ITSN1: variants seen among roughly 807,000 people sequenced by gnomAD.
ITSN1 encodes the protein intersectin 1.
A neutral mutation model predicts 239.8 loss-of-function variants in ITSN1; 58 were observed. That is an observed-to-expected ratio of 0.24 (90% CI 0.20 to 0.30). The LOEUF (loss-of-function observed/expected upper bound fraction) is 0.30, where lower values mean the gene tolerates loss of function less well. Among genes scored for constraint, ITSN1 ranks in the 10% least tolerant of loss-of-function variants. The probability of loss-of-function intolerance (pLI) is 1.00; values close to 1 mark genes in which losing one functional copy is unlikely to be tolerated. For synonymous variants in ITSN1, 780 were observed against 770.8 expected, an observed-to-expected ratio of 1.01 and a Z score of -0.20; for missense variants, 1,558 against 2,103.3, an observed-to-expected ratio of 0.74 and a Z score of 5.07.
intron 1 of ITSN1, among the ~76,000 whole-genome samples, chr21:33,685,616 TA>T (rs933917476): frequency 0.09 from 9,853 of 109,276 alleles, 358 homozygotes; most frequent in Non-Finnish European, 0.1. Context: ...CCTTTTTGAG[TA>T]AAAAAAAAAA....
At position 33,892,358 on chromosome 21, in the gene ITSN1, TAG is replaced by T. The variant is rs1986420049; in HGVS notation, c.*4062_*4063del. 1.3e-5 allele frequency: 2 copies of T among 152,252 alleles called. No homozygotes were observed. The highest frequency in any genetic ancestry group is 4.8e-5 in the African/African-American group (2 of 41,460). The allele number at this position is 152,252 out of a possible 1,614,324, so 9.4% of individuals were successfully genotyped here. On this transcript the variant is annotated 3_prime_UTR_variant, in exon 40 of 40. Coordinates refer to ENST00000381318, the MANE Select transcript of ITSN1 (RefSeq NM_003024.3). ...CACCGTGGGGTGCTGAAATTCCTGCTAGAGACTTCCCCTTACTTCCATGAATG... is the reference window on the plus strand; with the variant it reads ...CACCGTGGGGTGCTGAAATTCCTGCTAGACTTCCCCTTACTTCCATGAATG...
chr21:33,655,910 T>C (rs2089029234), intron 1 of ITSN1, among the ~76,000 whole-genome samples: 1 of 151,942 alleles, frequency 6.6e-6, no homozygotes, highest in South Asian at 2.1e-4. Flanking sequence ...ACTATCTAAA[T>C]GCAGTTGGGT....
chr21:33,702,929 T>A (rs2092086866), intron 1 of ITSN1, among the ~76,000 whole-genome samples: 1 of 152,060 alleles, frequency 6.6e-6, no homozygotes, highest in South Asian at 2.1e-4. Flanking sequence ...GTACAAAAAT[T>A]AGCCGGGCAT....
At position 33,772,264 on chromosome 21, in the gene ITSN1, C is replaced by G. The variant is rs766054300; in HGVS notation, c.1246C>G (p.Gln416Glu). The G allele has an allele frequency of 1.0e-5, 16 of 1,591,070 alleles. No homozygotes were observed. Among genetic ancestry groups the G allele is most frequent in the Non-Finnish European group, 1.4e-5 (16 of 1,168,216 alleles). Reference sequence around the variant, plus strand: ...GGAACTGGAGAAGCAACTGGAAAAGCAGCGGGAGCTAGAACGGCAGAGAGA... The same window carrying G: ...GGAACTGGAGAAGCAACTGGAAAAGGAGCGGGAGCTAGAACGGCAGAGAGA... ...QLELEKQLEK[Q>E]RELERQREEE... The change falls in exon 12 of 40, where the codon CAG (glutamine) becomes GAG (glutamate). Residue 416 changes from glutamine to glutamate, a missense_variant. This residue lies in a region of ITSN1 where 982 missense variants were observed against 1,209.9 expected (regional missense o/e 0.81). Transcript: ENST00000381318.
chr21:33,881,277 A>G (rs1274043162), intron 34 of ITSN1, among the ~76,000 whole-genome samples: 2 of 151,976 alleles, frequency 1.3e-5, no homozygotes, highest in Non-Finnish European at 2.9e-5. Context: ...CGTGGTCGCG[A>G]GCACCTGTAG....
chr21:33,854,835 C>T (rs895132286), intron 29 of ITSN1, among the ~76,000 whole-genome samples: 3 of 152,188 alleles, frequency 2.0e-5, no homozygotes, highest in Non-Finnish European at 4.4e-5. Flanking sequence ...TCTGCTTGAC[C>T]TCAGGGCAGG....
chr21:33,664,967 T>C (rs2089829512), intron 1 of ITSN1, among the ~76,000 whole-genome samples: 1 of 152,134 alleles, frequency 6.6e-6, no homozygotes, highest in South Asian at 2.1e-4. Flanking sequence ...TTATAAAAAA[T>C]AATTAGACAT....
intron 39 of ITSN1, 151 bp from the exon 40 acceptor site, chr21:33,888,001 G>A: frequency 1.4e-6 from 1 of 697,152 alleles, no homozygotes; most frequent in Non-Finnish European, 2.3e-6. Context: ...CCGCTGGGGA[G>A]CGAGTTGGAA....
At chr21:33,858,599 C>T in intron 30 of ITSN1, 87 bp from the exon 31 acceptor site, 1 of 816,376 alleles carries the variant, frequency 1.2e-6, no homozygotes, top group Non-Finnish European at 2.1e-6. Flanking sequence ...CACCTGAGCC[C>T]TTTCCCTGCT....
At chr21:33,796,781 T>G (rs1443425308) in intron 17 of ITSN1, among the ~76,000 whole-genome samples, 1 of 152,248 alleles carries the variant, frequency 6.6e-6, no homozygotes, top group Non-Finnish European at 1.5e-5. Flanking sequence ...TCATTTAAAG[T>G]ATTTTCTGAC....
rs1174530558 is a variant in ITSN1 at position 33,705,110 on chromosome 21, CAAAAAAAA to C, written c.-32-13675_-32-13668del. On this transcript the variant is annotated intron_variant, in intron 1 of 39. Transcript: ENST00000381318. ...TGGGCAACAGAGCAAGACTCCGTCT[CAAAAAAAA>C]AAAAAAAAAAAGACAAAATGTTTTA... 8.1e-3 allele frequency among the ~76,000 whole-genome samples: 563 copies of C among 69,734 alleles called. 5 individuals are homozygous for C. Among genetic ancestry groups the C allele is most frequent in the African/African-American group, 0.025 (546 of 21,850 alleles). 45.7% of individuals were successfully genotyped at this position (69,734 alleles called of 152,430 possible). A position where few individuals can be genotyped will look rare whatever the true frequency, so the allele number is the denominator to read the frequency against.
rs976214822 is a variant in ITSN1, at chr21:33,882,773, G to C, written c.4554+318G>C. 3.9e-5 allele frequency among the ~76,000 whole-genome samples: 6 copies of C among 152,172 alleles called. No homozygotes were observed. Among genetic ancestry groups the C allele is most frequent in the Non-Finnish European group, 7.4e-5 (5 of 68,018 alleles). On this transcript the variant is annotated intron_variant, in intron 35 of 39. Coordinates refer to ENST00000381318, the MANE Select transcript of ITSN1 (RefSeq NM_003024.3). The surrounding 1 kb of genome is among the most constrained non-coding windows in gnomAD (Gnocchi z 4.5). ...ATGAGGCAGGTGTGAAAAAGCTCGGGAGAAGAGGTGCAAAACAGCACCCAG... is the reference window on the plus strand; with the variant it reads ...ATGAGGCAGGTGTGAAAAAGCTCGGCAGAAGAGGTGCAAAACAGCACCCAG...
At chr21:33,703,666 A>G (rs2092123054) in intron 1 of ITSN1, among the ~76,000 whole-genome samples, 1 of 152,234 alleles carries the variant, frequency 6.6e-6, no homozygotes, top group Non-Finnish European at 1.5e-5. Context: ...AAATATAAAT[A>G]CCAAGCTGTT....
intron 1 of ITSN1, among the ~76,000 whole-genome samples, chr21:33,676,307 T>A (rs1201094446): frequency 6.6e-6 from 1 of 152,206 alleles, no homozygotes; most frequent in Non-Finnish European, 1.5e-5. Flanking sequence ...TAAGGATTTC[T>A]GCTCATGGTG....
intron 20 of ITSN1, among the ~76,000 whole-genome samples, chr21:33,807,718 G>A (rs933030044): frequency 1.3e-5 from 2 of 152,188 alleles, no homozygotes; most frequent in Non-Finnish European, 2.9e-5. Flanking sequence ...CTTTGAGGAG[G>A]TCCAAAATGA....
intron 20 of ITSN1, among the ~76,000 whole-genome samples, chr21:33,809,069 G>A (rs1329182412): frequency 6.6e-6 from 1 of 152,202 alleles, no homozygotes; most frequent in Non-Finnish European, 1.5e-5. Flanking sequence ...CAGCATAAAA[G>A]AAGATCCAAA....
At chr21:33,679,401 T>C (rs1396415374) in intron 1 of ITSN1, among the ~76,000 whole-genome samples, 2 of 152,248 alleles carry the variant, frequency 1.3e-5, no homozygotes, top group African/African-American at 4.8e-5. Flanking sequence ...ACATCTGTCC[T>C]AGGACAATTT....
At chr21:33,883,757 T>A in intron 36 of ITSN1, 86 bp downstream of exon 36, 1 of 1,514,232 alleles carries the variant, frequency 6.6e-7, no homozygotes, top group Non-Finnish European at 9.0e-7. Context: ...CAGGTGCCAA[T>A]GTTTCCCAAG....
intron 12 of ITSN1, 31 bp from the exon 13 acceptor site, chr21:33,774,698 A>T: frequency 6.3e-7 from 1 of 1,599,790 alleles, no homozygotes; most frequent in Non-Finnish European, 8.5e-7. Context: ...AGAACTGAAA[A>T]ATTAGTAATT....
Sources: allele counts gnomAD v4.1 joint callset (sites outside exome capture counted in the v4.1 genomes callset), GRCh38; gene constraint gnomAD v4.1.1; regional missense constraint gnomAD v4.1.1; non-coding constraint Gnocchi (gnomAD v3.1); transcripts MANE v1.5; gene names NCBI Gene and HGNC (gene_info 2026-07-23, HGNC 2026-07-21).